CDH13: variants seen among roughly 807,000 people sequenced by gnomAD.
CDH13 encodes the protein cadherin 13.
A neutral mutation model predicts 63.8 loss-of-function variants in CDH13; 24 were observed. The observed-to-expected ratio is 0.38, with a 90% CI of 0.27 to 0.53. The LOEUF (loss-of-function observed/expected upper bound fraction) is 0.53. Ranked by LOEUF, CDH13 falls within the 20% of genes least tolerant of loss-of-function variation. The pLI is 0.85. For missense variants in CDH13, 1,049 were observed against 903.1 expected, an observed-to-expected ratio of 1.16 and a Z score of -2.07; for synonymous variants, 503 against 355.3, an observed-to-expected ratio of 1.42 and a Z score of -4.67.
In CDH13 at chr16:83,259,850, C is replaced by G. The variant is rs549021014; in HGVS notation, c.636+42353C>G. Among the ~76,000 whole-genome samples, 11 of 152,162 alleles carry G rather than the reference C, an allele frequency of 7.2e-5. No individual in the cohort carries two copies. In the East Asian group the frequency reaches 1.2e-3, roughly 16 times the overall value. On this transcript the variant is annotated intron_variant, in intron 5 of 13. Transcript: ENST00000567109. ...TTCCAGCACCATGAACCACAGCACC[C>G]CTTCAAGTGAAAGAAGCAAACTTCT...
chr16:82,914,207 C>T (rs968783163), intron 2 of CDH13, among the ~76,000 whole-genome samples: 6 of 152,090 alleles, frequency 3.9e-5, no homozygotes, highest in African/African-American at 1.2e-4. Flanking sequence ...CTGATACCAC[C>T]GCCATGCAGC....
chr16:83,704,048 A>C (rs938524275), intron 10 of CDH13, among the ~76,000 whole-genome samples: 1 of 152,212 alleles, frequency 6.6e-6, no homozygotes, highest in African/African-American at 2.4e-5. Context: ...AGAAAATGAC[A>C]AGAACCCTTC....
rs1024381513 is a variant in CDH13, at chr16:83,143,890, G to A, written c.483+18389G>A. On this transcript the variant is annotated intron_variant, in intron 4 of 13. Transcript: ENST00000567109. Reference sequence around the variant, plus strand: ...CTGCTTTGAAGTTGATGTCGGCTGGGAAACTCATACACAGGCGTGTCCCAG... The same window carrying A: ...CTGCTTTGAAGTTGATGTCGGCTGGAAAACTCATACACAGGCGTGTCCCAG... 3.9e-5 allele frequency among the ~76,000 whole-genome samples: 6 copies of A among 151,998 alleles called. No homozygotes were observed. In the East Asian group the frequency reaches 1.2e-3, roughly 29 times the overall value.
chr16:83,429,507 T>C (rs2072024084), intron 6 of CDH13, among the ~76,000 whole-genome samples: 1 of 135,600 alleles, frequency 7.4e-6, no homozygotes, highest in African/African-American at 2.5e-5. Context: ...TAAAAGACAA[T>C]GAAGACACAC....
intron 4 of CDH13, among the ~76,000 whole-genome samples, chr16:83,216,716 A>G (rs1310723111): frequency 1.4e-5 from 2 of 147,708 alleles, no homozygotes; most frequent in African/African-American, 4.9e-5. Flanking sequence ...ATATTGATGC[A>G]TATATATTTA....
chr16:83,602,464 A>T lies in CDH13; in HGVS notation c.971A>T (p.Asn324Ile), dbSNP rs779656534. 1 of 1,614,004 alleles carries T rather than the reference A, an allele frequency of 6.2e-7. No homozygotes were observed. Among genetic ancestry groups the T allele is most frequent in the Non-Finnish European group, 8.5e-7 (1 of 1,179,884 alleles). Residue 324 changes from asparagine to isoleucine, a missense_variant, in exon 8 of 14, where the codon AAT (asparagine) becomes ATT (isoleucine). Asn to Ile is a moderately radical substitution (Grantham distance 149). Transcript: ENST00000567109. ...PALLDRETLE[N>I]PKYELIIEAQ... is the part of the protein sequence containing the mutation. ...GCTTGTGCTTTGTAGACTCTGGAAA[A>T]TCCCAAGTATGAACTGATCATCGAG...
intron 6 of CDH13, among the ~76,000 whole-genome samples, chr16:83,365,470 A>T (rs1249454004): frequency 6.6e-6 from 1 of 152,214 alleles, no homozygotes; most frequent in Non-Finnish European, 1.5e-5. Flanking sequence ...CCCCATGGTC[A>T]GCTGAGTTGA....
intron 5 of CDH13, among the ~76,000 whole-genome samples, chr16:83,340,672 C>T (rs565716413): frequency 6.6e-6 from 1 of 152,246 alleles, no homozygotes; most frequent in South Asian, 2.1e-4. Flanking sequence ...TAACCAGCTC[C>T]TGGGGGATGC....
intron 7 of CDH13, among the ~76,000 whole-genome samples, chr16:83,569,022 C>G (rs1904327233): frequency 6.6e-6 from 1 of 152,076 alleles, no homozygotes; most frequent in Non-Finnish European, 1.5e-5. Context: ...TGCAGCAATT[C>G]CACATTCCTT....
At chr16:83,790,242 A>T (rs772497841) in intron 13 of CDH13, 1 of 152,232 alleles carries the variant, frequency 6.6e-6, no homozygotes, top group Non-Finnish European at 1.5e-5. Flanking sequence ...TCAGTTTAGT[A>T]TGACCTGATC....
rs1917957972 is a variant in CDH13 at position 83,047,990 on chromosome 16, A to G, written c.366+15772A>G. 6.6e-6 allele frequency among the ~76,000 whole-genome samples: 1 copy of G among 152,208 alleles called. No homozygotes were observed. Among genetic ancestry groups the G allele is most frequent in the Non-Finnish European group, 1.5e-5 (1 of 68,034 alleles). On this transcript the variant is annotated intron_variant, in intron 3 of 13. Transcript: ENST00000567109. The surrounding 1 kb of genome is among the most constrained non-coding windows in gnomAD (Gnocchi z 4.9). ...CAGACTCCTCAAAAAAACATTTAAC[A>G]AAATATGTTATCTTTTTTGTCACAA...
chr16:83,390,460 T>TTC (rs2091764991), intron 6 of CDH13, among the ~76,000 whole-genome samples: 1 of 151,690 alleles, frequency 6.6e-6, no homozygotes, highest in African/African-American at 2.4e-5. Context: ...CAAATACTTT[T>TTC]TTTTTTTTCC....
At chr16:82,646,699 A>G (rs899962745) in intron 1 of CDH13, among the ~76,000 whole-genome samples, 5 of 152,186 alleles carry the variant, frequency 3.3e-5, no homozygotes, top group Admixed American at 3.3e-4. Context: ...ATCCCCATCT[A>G]CAGATGAGAA....
At chr16:83,156,094 C>T (rs987820787) in intron 4 of CDH13, among the ~76,000 whole-genome samples, 6 of 152,208 alleles carry the variant, frequency 3.9e-5, no homozygotes, top group African/African-American at 1.4e-4. Flanking sequence ...GTGTGCATTC[C>T]AGGCTAGGGG....
intron 4 of CDH13, among the ~76,000 whole-genome samples, chr16:83,165,360 G>T (rs1428948226): frequency 7.1e-6 from 1 of 140,508 alleles, no homozygotes; most frequent in African/African-American, 2.8e-5. Flanking sequence ...GATATTCTAA[G>T]ATTTGTTGTA....
chr16:83,325,025 G>T (rs569990561), intron 5 of CDH13, among the ~76,000 whole-genome samples: 5 of 152,100 alleles, frequency 3.3e-5, no homozygotes, highest in Non-Finnish European at 5.9e-5. Flanking sequence ...CATTTGCTAA[G>T]GCTGTCTCCC....
At chr16:83,325,260 G>T (rs931669792) in intron 5 of CDH13, among the ~76,000 whole-genome samples, 1 of 149,986 alleles carries the variant, frequency 6.7e-6, no homozygotes, top group Non-Finnish European at 1.5e-5. Flanking sequence ...TACAATAGGG[G>T]CACCTTATCT....
At chr16:83,396,253 C>A (rs945924310) in intron 6 of CDH13, among the ~76,000 whole-genome samples, 5 of 152,140 alleles carry the variant, frequency 3.3e-5, no homozygotes, top group African/African-American at 1.2e-4. Flanking sequence ...TGTTGAACAT[C>A]AGTTTTGTGA....
intron 1 of CDH13, among the ~76,000 whole-genome samples, chr16:82,669,501 A>G (rs1737685556): frequency 6.6e-6 from 1 of 152,226 alleles, no homozygotes; most frequent in African/African-American, 2.4e-5. Flanking sequence ...TTCTGATAAC[A>G]TTACTTGTAA....
Sources: allele counts gnomAD v4.1 joint callset (sites outside exome capture counted in the v4.1 genomes callset), GRCh38; gene constraint gnomAD v4.1.1; non-coding constraint Gnocchi (gnomAD v3.1); transcripts MANE v1.5; gene names NCBI Gene and HGNC (gene_info 2026-07-23, HGNC 2026-07-21).